The following BBOF1 variants were observed in gnomAD, a reference collection of about 807,000 sequenced individuals.
BBOF1 encodes basal body-orientation factor 1.
In BBOF1, 62 loss-of-function variants were observed where a neutral mutation model predicts 68.0. The observed-to-expected ratio is 0.91, with a 90% CI of 0.74 to 1.13. The LOEUF (loss-of-function observed/expected upper bound fraction) is 1.13, where lower values mean the gene tolerates loss of function less well. Ranked by LOEUF, BBOF1 falls within the 50% of genes most tolerant of loss-of-function variation. The pLI is 0.00. For synonymous variants in BBOF1, 208 were observed against 198.8 expected, an observed-to-expected ratio of 1.05 and a Z score of -0.39; for missense variants, 534 against 600.1, an observed-to-expected ratio of 0.89 and a Z score of 1.15.
chr14:74,068,035 A>G (rs1397741897), downstream of BBOF1, among the ~76,000 whole-genome samples: 2 of 151,608 alleles, frequency 1.3e-5, no homozygotes, highest in African/African-American at 4.8e-5. Flanking sequence ...CCTTACAGCA[A>G]TAATGCCAGT....
chr14:74,067,692 G>T (rs1335852200), downstream of BBOF1: 3 of 1,034,344 alleles, frequency 2.9e-6, no homozygotes, highest in African/African-American at 4.7e-5. Context: ...GAAGGCTGAG[G>T]TGAGAAGGAT....
chr14:74,061,993 T>TGG (rs1297679583), intron 11 of BBOF1, among the ~76,000 whole-genome samples: 1 of 143,082 alleles, frequency 7.0e-6, no homozygotes, highest in African/African-American at 2.6e-5. Flanking sequence ...GCGGATCACT[T>TGG]GAGGCCATGA....
At chr14:74,027,725 CTATATAT>C (rs1027249296) in intron 2 of BBOF1, among the ~76,000 whole-genome samples, 17 of 152,200 alleles carry the variant, frequency 1.1e-4, no homozygotes, top group African/African-American at 3.4e-4. Flanking sequence ...CACTTAGGTA[CTATATAT>C]AACCTACCAA....
chr14:74,047,997 C>T lies in BBOF1; in HGVS notation c.715C>T (p.His239Tyr), dbSNP rs2059988726. 1.2e-6 allele frequency: 2 copies of T among 1,613,046 alleles called. No homozygotes were observed. Among genetic ancestry groups the T allele is most frequent in the African/African-American group, 2.7e-5 (2 of 74,904 alleles). The change falls in exon 7 of 12, where the codon CAC becomes TAC. Residue 239 changes from histidine (H) to tyrosine (Y), a missense_variant. By Grantham distance (83) the His-to-Tyr change is moderately conservative. Coordinates refer to ENST00000394009, the MANE Select transcript of BBOF1 (RefSeq NM_025057.3). ...TTATCTTCAGAAAGCTCTGGCATAT[C>T]ACCTGAAGGAAACTGACGCTCTACA... ...NDYLQKALAY[H>Y]LKETDALQKN...
chr14:74,045,019 C>T (rs980162656), intron 5 of BBOF1, among the ~76,000 whole-genome samples: 3 of 152,120 alleles, frequency 2.0e-5, no homozygotes, highest in Non-Finnish European at 4.4e-5. Context: ...CAAACATGAG[C>T]GAGCAGGCCC....
At chr14:74,072,128 T>C in intron 9 of BBOF1, 1 of 1,608,640 alleles carries the variant, frequency 6.2e-7, no homozygotes, top group Non-Finnish European at 8.5e-7. Context: ...GGAGGGTGGC[T>C]GAAAAGGTCT....
intron 4 of BBOF1, among the ~76,000 whole-genome samples, chr14:74,037,358 C>A (rs2059730669): frequency 1.5e-5 from 2 of 137,502 alleles, no homozygotes; most frequent in Admixed American, 8.1e-5. Flanking sequence ...GTGGTGTAGT[C>A]ATGGCTCACT....
At chr14:74,067,332 AATGCCACAG>A, downstream of BBOF1, 2 of 1,606,532 alleles carry the variant, frequency 1.2e-6, no homozygotes, top group South Asian at 1.1e-5. Context: ...CCAAGAGCTT[AATGCCACAG>A]ATGCAAAATC....
intron 2 of BBOF1, among the ~76,000 whole-genome samples, chr14:74,027,385 C>CTTTTTT (rs35107293): frequency 1.8e-4 from 11 of 61,100 alleles, no homozygotes; most frequent in African/African-American, 2.1e-4. Context: ...CCTCGCCCAG[C>CTTTTTT]TTTTTTTTTT....
intron 3 of BBOF1, among the ~76,000 whole-genome samples, chr14:74,032,667 T>A (rs575792654): frequency 7.9e-5 from 12 of 151,392 alleles, no homozygotes; most frequent in African/African-American, 2.4e-4. Context: ...CTAATTTTTG[T>A]ATTTTTAGTA....
chr14:74,029,968 C>G (rs2140980433), intron 3 of BBOF1, among the ~76,000 whole-genome samples: 1 of 152,198 alleles, frequency 6.6e-6, no homozygotes, highest in South Asian at 2.1e-4. Flanking sequence ...ATATAATTAC[C>G]TAGTTGCGTA....
intron 11 of BBOF1, chr14:74,060,457 T>C: frequency 1.6e-6 from 1 of 610,840 alleles, no homozygotes; most frequent in South Asian, 1.9e-5. Context: ...GTGAGAAATC[T>C]GGTTTCATTG....
intron 2 of BBOF1, among the ~76,000 whole-genome samples, chr14:74,025,105 A>G (rs2059395529): frequency 6.6e-6 from 1 of 152,128 alleles, no homozygotes; most frequent in African/African-American, 2.4e-5. Context: ...AATAGTAGGT[A>G]TTATTAAATT....
At chr14:74,040,787 G>T (rs1447107336) in intron 5 of BBOF1, 142 bp downstream of exon 5, 1 of 561,488 alleles carries the variant, frequency 1.8e-6, no homozygotes, top group East Asian at 3.2e-5. Context: ...ACAATACAAT[G>T]AGGGAAAATA....
intron 3 of BBOF1, among the ~76,000 whole-genome samples, chr14:74,030,954 T>A (rs1269788045): frequency 6.8e-6 from 1 of 148,130 alleles, no homozygotes; most frequent in African/African-American, 2.5e-5. Flanking sequence ...AGAGAGAGAT[T>A]ATATATAAGG....
rs769404034 is a variant in BBOF1 at position 74,047,920 on chromosome 14, T to G, written c.648-10T>G. ...TAGACCTGTGTTTTGAGATCTTATA[T>G]CTATTTCAGGCAATTGAACGATGCT... On this transcript the variant is annotated splice_polypyrimidine_tract_variant and intron_variant, in intron 6 of 11. Transcript: ENST00000394009. The G allele has an allele frequency of 1.9e-6, 3 of 1,589,322 alleles. No individual in the cohort carries two copies. Among genetic ancestry groups the G allele is most frequent in the Non-Finnish European group, 2.6e-6 (3 of 1,171,256 alleles).
At chr14:74,031,269 C>T (rs1222650888) in intron 3 of BBOF1, among the ~76,000 whole-genome samples, 3 of 152,032 alleles carry the variant, frequency 2.0e-5, no homozygotes, top group Admixed American at 2.0e-4. Flanking sequence ...AGTACCACTA[C>T]ACCTGGCAAA....
At chr14:74,062,051 GAAAAAAAAAAAAAAAAAAA>G (rs369414700) in intron 11 of BBOF1, among the ~76,000 whole-genome samples, 6 of 59,578 alleles carry the variant, frequency 1.0e-4, no homozygotes, top group African/African-American at 3.5e-4. Context: ...TCTCTACTGG[GAAAAAAAAAAAAAAAAAAA>G]AAAAAAAAAA....
At chr14:74,054,674 G>A (rs1056134840) in intron 8 of BBOF1, among the ~76,000 whole-genome samples, 2 of 141,764 alleles carry the variant, frequency 1.4e-5, no homozygotes, top group African/African-American at 5.3e-5. Flanking sequence ...ACCGCACCCA[G>A]GCTCTTTTTT....
Sources: gnomAD v4.1 joint callset for allele counts (sites outside exome capture counted in the v4.1 genomes callset) on GRCh38, gnomAD v4.1.1 for gene constraint, MANE v1.5 for transcripts, NCBI Gene and HGNC (gene_info 2026-07-23, HGNC 2026-07-21) for gene names.